Variants in PDE10A observed in about 807,000 individuals in gnomAD.
PDE10A encodes the protein phosphodiesterase 10A.
Under a neutral mutation model 97.7 loss-of-function variants are expected in PDE10A, and 39 were observed. That is an observed-to-expected ratio of 0.40 (90% CI 0.31 to 0.52). The LOEUF is 0.52. Among genes scored for constraint, PDE10A ranks in the 20% least tolerant of loss-of-function variants. The pLI is 0.56. For synonymous variants in PDE10A, 371 were observed against 376.8 expected (o/e 0.98, Z 0.18); for missense variants, 731 against 1,047.8 (o/e 0.70, Z 4.17).
At chr6:165,982,611 CT>C (rs1328078718) in intron 1 of PDE10A, among the ~76,000 whole-genome samples, 2 of 151,920 alleles carry the variant, frequency 1.3e-5, no homozygotes, top group Non-Finnish European at 2.9e-5. Context: ...TGTATAGTAA[CT>C]AATAAGATAT....
chr6:165,586,825 C>T (rs926310734), intron 1 of PDE10A, among the ~76,000 whole-genome samples: 1 of 152,050 alleles, frequency 6.6e-6, no homozygotes, highest in African/African-American at 2.4e-5. Flanking sequence ...ATCTAGAACT[C>T]GGTAATGTTA....
intron 1 of PDE10A, among the ~76,000 whole-genome samples, chr6:165,595,706 G>C (rs1786545689): frequency 6.6e-6 from 1 of 152,154 alleles, no homozygotes; most frequent in Non-Finnish European, 1.5e-5. Flanking sequence ...CTGAAGGCTG[G>C]AAGTCCAAGA....
At chr6:165,504,823 TCC>T (rs1168621941) in intron 2 of PDE10A, among the ~76,000 whole-genome samples, 2 of 152,166 alleles carry the variant, frequency 1.3e-5, no homozygotes, top group East Asian at 3.9e-4. Flanking sequence ...CTCTGGGAGC[TCC>T]CTTTTGTTCC....
intron 1 of PDE10A, among the ~76,000 whole-genome samples, chr6:165,947,850 C>T (rs1289377070): frequency 6.6e-6 from 1 of 152,072 alleles, no homozygotes; most frequent in Non-Finnish European, 1.5e-5. Context: ...CATCACTTAC[C>T]CCCGACCTGG....
intron 1 of PDE10A, among the ~76,000 whole-genome samples, chr6:165,610,972 C>A (rs1189599092): frequency 2.8e-4 from 42 of 152,094 alleles, no homozygotes; most frequent in Non-Finnish European, 7.4e-5. Flanking sequence ...AAAAGCCTTC[C>A]AATCGGGAGA....
At chr6:165,953,333 G>A (rs59467904) in intron 1 of PDE10A, among the ~76,000 whole-genome samples, 5 of 152,118 alleles carry the variant, frequency 3.3e-5, no homozygotes, top group African/African-American at 1.2e-4. Context: ...GCTCACGCCT[G>A]TAATCCCAGC....
intron 18 of PDE10A, among the ~76,000 whole-genome samples, chr6:165,373,318 C>T (rs1350839528): frequency 2.6e-5 from 4 of 151,850 alleles, no homozygotes; most frequent in African/African-American, 7.3e-5. Flanking sequence ...GAAAATTTTT[C>T]GCAACCTACT....
At chr6:165,877,229 T>C (rs1351943848) in intron 1 of PDE10A, among the ~76,000 whole-genome samples, 2 of 152,228 alleles carry the variant, frequency 1.3e-5, no homozygotes, top group Admixed American at 6.5e-5. Context: ...GAAGCATTTC[T>C]TCCTCTTCTG....
chr6:165,767,948 G>A (rs529056758), intron 1 of PDE10A, among the ~76,000 whole-genome samples: 2 of 152,182 alleles, frequency 1.3e-5, no homozygotes, highest in South Asian at 2.1e-4. Context: ...TGTTGTCTGC[G>A]TTTTTTGTGT....
At chr6:165,722,211 A>G (rs892904252) in intron 1 of PDE10A, among the ~76,000 whole-genome samples, 1 of 152,242 alleles carries the variant, frequency 6.6e-6, no homozygotes, top group African/African-American at 2.4e-5. Flanking sequence ...GAGATAAACC[A>G]AATACGGTGC....
At chr6:165,975,399 G>A (rs1784819325) in intron 1 of PDE10A, among the ~76,000 whole-genome samples, 1 of 152,180 alleles carries the variant, frequency 6.6e-6, no homozygotes, top group Non-Finnish European at 1.5e-5. Context: ...GGGCTCAAGA[G>A]TTCGAGACCA....
At chr6:165,654,356 CCT>C (rs1213299414) in intron 1 of PDE10A, among the ~76,000 whole-genome samples, 1 of 152,140 alleles carries the variant, frequency 6.6e-6, no homozygotes, top group Non-Finnish European at 1.5e-5. Flanking sequence ...CAACCCCACC[CCT>C]GCTTCCCCAG....
At chr6:165,659,581 G>A (rs942105428) in intron 1 of PDE10A, among the ~76,000 whole-genome samples, 1 of 152,182 alleles carries the variant, frequency 6.6e-6, no homozygotes, top group Non-Finnish European at 1.5e-5. Flanking sequence ...TTGTTTAAAA[G>A]TATCTTCTTG....
At chr6:165,411,103 A>G (rs1342956746) in intron 13 of PDE10A, among the ~76,000 whole-genome samples, 2 of 148,926 alleles carry the variant, frequency 1.3e-5, no homozygotes, top group East Asian at 1.9e-4. Flanking sequence ...AAAAAAAAAA[A>G]AAAAAAGAAA....
chr6:165,886,302 G>C (rs1583234662), intron 1 of PDE10A, among the ~76,000 whole-genome samples: 2 of 150,800 alleles, frequency 1.3e-5, no homozygotes, highest in East Asian at 3.9e-4. Context: ...CAGCCCTGGA[G>C]CCCTGGACCC....
chr6:165,507,456 T>A (rs1160365686), intron 2 of PDE10A, among the ~76,000 whole-genome samples: 1 of 152,076 alleles, frequency 6.6e-6, no homozygotes, highest in Non-Finnish European at 1.5e-5. Context: ...TATGCACTCT[T>A]CATGAGACTC....
rs117299681 is a variant in PDE10A at position 165,641,013 on chromosome 6, G to A, written c.865+20934C>T. Among the ~76,000 whole-genome samples, 127 of 152,278 alleles carry A rather than the reference G, an allele frequency of 8.3e-4. No individual in the cohort carries two copies. The East Asian group carries it at 0.021, about 25-fold the overall frequency. ...AAATCGGTGACCTCAGCACTTGGCC[G>A]TGGCCAGCCCTTCAGCTCCTTCCCA... On this transcript the variant is annotated intron_variant, in intron 1 of 21. Transcript: ENST00000539869.
chr6:165,367,045 C>T (rs1783817236), intron 18 of PDE10A, among the ~76,000 whole-genome samples: 2 of 151,836 alleles, frequency 1.3e-5, no homozygotes, highest in African/African-American at 4.8e-5. Flanking sequence ...TCATAGAAAA[C>T]CCAGATAGTG....
At chr6:165,677,721 T>A (rs1790839173) in intron 1 of PDE10A, among the ~76,000 whole-genome samples, 1 of 152,132 alleles carries the variant, frequency 6.6e-6, no homozygotes, top group Admixed American at 6.5e-5. Flanking sequence ...CTCTACCCCA[T>A]GAGGGACACT....
Sources: allele counts gnomAD v4.1 joint callset (sites outside exome capture counted in the v4.1 genomes callset), GRCh38; gene constraint gnomAD v4.1.1; transcripts MANE v1.5; gene names NCBI Gene and HGNC (gene_info 2026-07-23, HGNC 2026-07-21).